ADAMTSL3: variants seen among roughly 807,000 people sequenced by gnomAD.
ADAMTSL3 encodes ADAMTS like 3, also known as ADAMTS-like protein 3.
Under a neutral mutation model 201.7 loss-of-function variants are expected in ADAMTSL3, and 128 were observed. That is an observed-to-expected ratio of 0.63 (90% CI 0.55 to 0.73). ADAMTSL3 has a LOEUF of 0.73. Among genes scored for constraint, ADAMTSL3 ranks in the 30% least tolerant of loss-of-function variants. The pLI is 0.00. For synonymous variants in ADAMTSL3, 738 were observed against 748.4 expected, an observed-to-expected ratio of 0.99 and a Z score of 0.23; for missense variants, 1,990 against 2,119.6, an observed-to-expected ratio of 0.94 and a Z score of 1.20.
At chr15:83,673,004 C>T (rs761812061) in intron 2 of ADAMTSL3, among the ~76,000 whole-genome samples, 17 of 152,194 alleles carry the variant, frequency 1.1e-4, no homozygotes, top group African/African-American at 2.4e-4. Flanking sequence ...TATGCTGCAC[C>T]CTCTGTAAAT....
At chr15:83,862,176 C>T (rs2064877946) in intron 8 of ADAMTSL3, 1 of 152,138 alleles carries the variant, frequency 6.6e-6, no homozygotes, top group African/African-American at 2.4e-5. Context: ...GAGAATGGAA[C>T]CAAGTTGGAA....
chr15:83,681,884 T>C (rs913019819), intron 2 of ADAMTSL3, among the ~76,000 whole-genome samples: 1 of 152,236 alleles, frequency 6.6e-6, no homozygotes, highest in African/African-American at 2.4e-5. Context: ...ATAACATTGC[T>C]CCTCTTTTCC....
chr15:83,723,213 A>C (rs1205980450), intron 3 of ADAMTSL3, among the ~76,000 whole-genome samples: 1 of 152,166 alleles, frequency 6.6e-6, no homozygotes, highest in Non-Finnish European at 1.5e-5. Context: ...CTTTATTTCT[A>C]ATCAATAAAA....
intron 7 of ADAMTSL3, among the ~76,000 whole-genome samples, chr15:83,843,925 T>G (rs999343534): frequency 6.6e-6 from 1 of 152,144 alleles, no homozygotes; most frequent in East Asian, 1.9e-4. Flanking sequence ...ACAACCAACA[T>G]AAACAGCTTT....
intron 4 of ADAMTSL3, among the ~76,000 whole-genome samples, chr15:83,779,507 G>A (rs1333486775): frequency 6.6e-6 from 1 of 151,866 alleles, no homozygotes; most frequent in East Asian, 1.9e-4. Flanking sequence ...GACCATCCTG[G>A]CTAACACAAT....
intron 19 of ADAMTSL3, among the ~76,000 whole-genome samples, chr15:83,956,309 G>A (rs1478518577): frequency 2.0e-5 from 3 of 152,202 alleles, no homozygotes; most frequent in African/African-American, 2.4e-5. Flanking sequence ...GGGTGGTGTT[G>A]GTGATTTAAG....
intron 19 of ADAMTSL3, among the ~76,000 whole-genome samples, chr15:83,962,829 T>C (rs890787154): frequency 2.6e-5 from 4 of 152,138 alleles, no homozygotes; most frequent in African/African-American, 4.8e-5. Context: ...GCTCATCTCA[T>C]TGGGACTGGT....
intron 6 of ADAMTSL3, among the ~76,000 whole-genome samples, chr15:83,827,131 T>G (rs1170059115): frequency 6.6e-6 from 1 of 152,208 alleles, no homozygotes; most frequent in African/African-American, 2.4e-5. Flanking sequence ...CCACCAACAG[T>G]GTAAAAGTGT....
intron 3 of ADAMTSL3, among the ~76,000 whole-genome samples, chr15:83,749,045 C>G (rs529198472): frequency 2.0e-5 from 3 of 151,898 alleles, no homozygotes; most frequent in African/African-American, 4.8e-5. Flanking sequence ...AAATGCAGCC[C>G]CAAAGAAAGC....
At chr15:83,785,586 G>A (rs2063248727) in intron 4 of ADAMTSL3, among the ~76,000 whole-genome samples, 1 of 152,020 alleles carries the variant, frequency 6.6e-6, no homozygotes. Flanking sequence ...ATGTCTAGCT[G>A]TCAGTGTCAT....
At position 83,898,856 on chromosome 15, in the gene ADAMTSL3, A is replaced by G. The variant is rs373445871; in HGVS notation, c.1616-791A>G. Among the ~76,000 whole-genome samples the G allele has an allele frequency of 7.9e-5, 12 of 152,214 alleles. 1 individual carries two copies. The highest frequency in any genetic ancestry group is 1.9e-4 in the East Asian group (1 of 5,198). On this transcript the variant is annotated intron_variant, in intron 14 of 29. Coordinates refer to ENST00000286744, the MANE Select transcript of ADAMTSL3 (RefSeq NM_207517.3). ...GTTCATTATTCATACAAATAGCCTC[A>G]TAATTAGCCATTCAATAAATATTTT...
chr15:83,712,962 A>T, intron 3 of ADAMTSL3, among the ~76,000 whole-genome samples: 1 of 152,156 alleles, frequency 6.6e-6, no homozygotes, highest in East Asian at 1.9e-4. Flanking sequence ...GCATGCTTCT[A>T]CTACATGCAT....
intron 2 of ADAMTSL3, among the ~76,000 whole-genome samples, chr15:83,673,813 A>G (rs986455452): frequency 5.3e-5 from 8 of 152,200 alleles, no homozygotes; most frequent in Non-Finnish European, 5.9e-5. Flanking sequence ...TCAAGAAAGA[A>G]AGCTATCTTA....
chr15:83,893,996 G>T (rs1026946155), intron 13 of ADAMTSL3, among the ~76,000 whole-genome samples: 1 of 152,120 alleles, frequency 6.6e-6, no homozygotes, highest in Non-Finnish European at 1.5e-5. Flanking sequence ...ATACTAAGAA[G>T]TAAATACAAC....
intron 21 of ADAMTSL3, among the ~76,000 whole-genome samples, chr15:83,984,832 T>C (rs2067446230): frequency 6.6e-6 from 1 of 152,226 alleles, no homozygotes; most frequent in Non-Finnish European, 1.5e-5. Flanking sequence ...TCCACATCTG[T>C]TGTGAAATGT....
At chr15:84,030,614 C>T (rs1306095180) in intron 27 of ADAMTSL3, among the ~76,000 whole-genome samples, 2 of 152,106 alleles carry the variant, frequency 1.3e-5, no homozygotes, top group Non-Finnish European at 2.9e-5. Context: ...TCAGATGAGA[C>T]TTTGGACTTG....
chr15:83,829,741 G>A (rs889251533), intron 6 of ADAMTSL3, among the ~76,000 whole-genome samples: 2 of 152,100 alleles, frequency 1.3e-5, no homozygotes, highest in African/African-American at 4.8e-5. Context: ...TGTTCTCATA[G>A]GTTTCAAAGA....
chr15:84,000,839 G>C (rs1015227009), intron 23 of ADAMTSL3, among the ~76,000 whole-genome samples: 1 of 152,182 alleles, frequency 6.6e-6, no homozygotes, highest in African/African-American at 2.4e-5. Context: ...GTGACTTAAA[G>C]CAGAGGATGT....
intron 3 of ADAMTSL3, among the ~76,000 whole-genome samples, chr15:83,714,847 TC>T: frequency 1.0e-5 from 1 of 96,186 alleles, no homozygotes; most frequent in African/African-American, 4.5e-5. Context: ...TCTTTCTCTC[TC>T]TTTCCCTCCC....
Sources: allele counts gnomAD v4.1 joint callset (sites outside exome capture counted in the v4.1 genomes callset), GRCh38; gene constraint gnomAD v4.1.1; transcripts MANE v1.5; gene names NCBI Gene and HGNC (gene_info 2026-07-23, HGNC 2026-07-21).